The following SLC6A2 variants were observed in gnomAD, a reference collection of about 807,000 sequenced individuals.
SLC6A2 encodes the protein sodium-dependent noradrenaline transporter.
In SLC6A2, 26 loss-of-function variants were observed where a neutral mutation model predicts 71.7. The observed-to-expected ratio is 0.36, with a 90% CI of 0.27 to 0.50. SLC6A2 has a LOEUF of 0.50. Among genes scored for constraint, SLC6A2 ranks in the 20% least tolerant of loss-of-function variants. The probability of loss-of-function intolerance (pLI) is 0.96; values close to 1 mark genes in which losing one functional copy is unlikely to be tolerated. For synonymous variants in SLC6A2, 363 were observed against 337.9 expected, an observed-to-expected ratio of 1.07 and a Z score of -0.82; for missense variants, 581 against 803.9, an observed-to-expected ratio of 0.72 and a Z score of 3.35.
chr16:55,679,660 G>A (rs1474510564), intron 4 of SLC6A2, among the ~76,000 whole-genome samples: 2 of 152,218 alleles, frequency 1.3e-5, no homozygotes, highest in African/African-American at 4.8e-5. Context: ...TGAGAAGTTA[G>A]CCAGGCAGAC....
intron 9 of SLC6A2, 120 bp from the exon 10 acceptor site, chr16:55,697,777 G>C (rs756074367): frequency 2.1e-4 from 216 of 1,035,658 alleles, no homozygotes; most frequent in Non-Finnish European, 3.0e-4. Flanking sequence ...GATTTCTCGA[G>C]AGAGGCAAGG....
Position 55,705,335 on chromosome 16 carries a change from C to T in SLC6A2, c.*2989C>T. 1 of 1,151,272 alleles carries T rather than the reference C, an allele frequency of 8.7e-7. No individual in the cohort carries two copies. The highest frequency in any genetic ancestry group is 1.4e-5 in the South Asian group (1 of 71,732). 71.3% of individuals were successfully genotyped at this position (1,151,272 alleles called of 1,614,324 possible). ...GTTACCGCTCAGCTGGGAGCCAGTT[C>T]CTGCTATATGATCTGTTTTCTAGCC... On this transcript the variant is annotated 3_prime_UTR_variant, in exon 15 of 15. Coordinates refer to ENST00000568943, the MANE Select transcript of SLC6A2 (RefSeq NM_001172501.3).
intron 5 of SLC6A2, among the ~76,000 whole-genome samples, chr16:55,689,733 C>T: frequency 6.6e-6 from 1 of 152,228 alleles, no homozygotes; most frequent in East Asian, 1.9e-4. Context: ...CCAGATGCAA[C>T]AGCTTCACTT....
chr16:55,671,717 A>T, intron 3 of SLC6A2: 1 of 859,902 alleles, frequency 1.2e-6, no homozygotes. Context: ...TGATGACCTG[A>T]GGTGGAACGG....
At chr16:55,682,002 G>A (rs1251903632) in intron 4 of SLC6A2, among the ~76,000 whole-genome samples, 1 of 152,204 alleles carries the variant, frequency 6.6e-6, no homozygotes, top group African/African-American at 2.4e-5. Context: ...CATCTCCCAG[G>A]TTCAAGCAAT....
At chr16:55,697,824 G>T in intron 9 of SLC6A2, 73 bp from the exon 10 acceptor site, 1 of 1,577,404 alleles carries the variant, frequency 6.3e-7, no homozygotes, top group South Asian at 1.1e-5. Context: ...GAGGCTCTAG[G>T]AACCCTGGGG....
intron 2 of SLC6A2, among the ~76,000 whole-genome samples, chr16:55,659,901 CAGCTCA>C (rs1964564123): frequency 6.6e-6 from 1 of 152,230 alleles, no homozygotes; most frequent in South Asian, 2.1e-4. Context: ...TAATGGTGCT[CAGCTCA>C]GAACATTGTT....
chr16:55,666,307 G>A (rs1322238426), intron 2 of SLC6A2, among the ~76,000 whole-genome samples: 1 of 152,192 alleles, frequency 6.6e-6, no homozygotes. Context: ...TAGGGGGTTT[G>A]CAACCAGCCT....
chr16:55,696,269 C>G lies in SLC6A2; in HGVS notation c.1192C>G (p.Leu398Val). The G allele has an allele frequency of 6.2e-7, 1 of 1,613,856 alleles. No individual in the cohort carries two copies. The highest frequency in any genetic ancestry group is 8.5e-7 in the Non-Finnish European group (1 of 1,179,796). The change falls in exon 9 of 15, where the codon CTG (leucine) becomes GTG (valine). Residue 398 changes from leucine to valine, a missense_variant. Physicochemically the swap from Leu to Val is conservative, Grantham distance 32 (BLOSUM62 1). This residue lies in a region of SLC6A2 where 334 missense variants were observed against 449.0 expected (regional missense o/e 0.74). Transcript: ENST00000568943. ...FILYPEAISTLSGSTFWAVVF... is the reference protein window; with the variant it reads ...FILYPEAISTVSGSTFWAVVF... ...CCTGTATCCAGAGGCCATTTCTACC[C>G]TGTCTGGATCTACATTCTGGGCTGT...
intron 4 of SLC6A2, among the ~76,000 whole-genome samples, chr16:55,676,082 C>T (rs1166392637): frequency 6.6e-6 from 1 of 152,180 alleles, no homozygotes; most frequent in African/African-American, 2.4e-5. Context: ...CCTGCATCCA[C>T]CTGTCTCCAT....
chr16:55,671,318 GATCCAGCTCCTA>G, intron 3 of SLC6A2, among the ~76,000 whole-genome samples: 1 of 152,232 alleles, frequency 6.6e-6, no homozygotes, highest in South Asian at 2.1e-4. Flanking sequence ...GGATACTCAC[GATCCAGCTCCTA>G]ACGTGGCTGC....
chr16:55,657,088 C>T (rs1387981513), intron 2 of SLC6A2, 120 bp downstream of exon 2: 2 of 1,129,624 alleles, frequency 1.8e-6, no homozygotes, highest in Non-Finnish European at 1.3e-6. Flanking sequence ...AAATCTGGGG[C>T]GCAGAAAGAA....
chr16:55,683,262 T>C (rs1041295239), intron 4 of SLC6A2, among the ~76,000 whole-genome samples: 11 of 152,180 alleles, frequency 7.2e-5, no homozygotes, highest in African/African-American at 2.7e-4. Flanking sequence ...TCATTGTAGA[T>C]TGTACAAGGG....
chr16:55,667,963 G>C (rs539544663), intron 2 of SLC6A2, among the ~76,000 whole-genome samples: 1 of 152,328 alleles, frequency 6.6e-6, no homozygotes, highest in East Asian at 1.9e-4. Context: ...TTCCTCATCT[G>C]AAAAATGGGT....
intron 2 of SLC6A2, among the ~76,000 whole-genome samples, chr16:55,659,099 T>G (rs1964540649): frequency 6.6e-6 from 1 of 152,118 alleles, no homozygotes; most frequent in African/African-American, 2.4e-5. Flanking sequence ...ATCAGTAATA[T>G]TTTTCTGGTT....
In SLC6A2 at chr16:55,698,515, C is replaced by T; in HGVS notation, c.1436C>T (p.Thr479Ile). The stretch of plus-strand genomic sequence containing the variant: ...CTCCTGGACACCTTTGCTGCGGGCA[C>T]CTCCATCCTTTTTGCTGTCCTCATG... ...LTLLDTFAAG[T>I]SILFAVLMEA... Residue 479 changes from threonine (T) to isoleucine (I), a missense_variant, in exon 11 of 15, where the codon ACC (threonine) becomes ATC (isoleucine). Physicochemically the swap from Thr to Ile is moderately conservative, Grantham distance 89 (BLOSUM62 -1). Transcript: ENST00000568943. The T allele has an allele frequency of 6.2e-7, 1 of 1,614,126 alleles. No individual in the cohort carries two copies. Among genetic ancestry groups the T allele is most frequent in the Non-Finnish European group, 8.5e-7 (1 of 1,179,990 alleles).
At chr16:55,694,844 C>T (rs143775813) in intron 7 of SLC6A2, among the ~76,000 whole-genome samples, 1 of 152,202 alleles carries the variant, frequency 6.6e-6, no homozygotes, top group African/African-American at 2.4e-5. Flanking sequence ...GGGGGAGAAG[C>T]GGGACAACAC....
At chr16:55,677,105 T>G (rs1299810458) in intron 4 of SLC6A2, among the ~76,000 whole-genome samples, 1 of 152,202 alleles carries the variant, frequency 6.6e-6, no homozygotes, top group Non-Finnish European at 1.5e-5. Flanking sequence ...GGACTCCTAC[T>G]GGAATCAGGC....
At chr16:55,674,437 T>C (rs933029887) in intron 4 of SLC6A2, among the ~76,000 whole-genome samples, 5 of 152,034 alleles carry the variant, frequency 3.3e-5, no homozygotes, top group Admixed American at 6.5e-5. Flanking sequence ...TTTTCTTTTT[T>C]TTTTTGAGAC....
Sources: gnomAD v4.1 joint callset for allele counts (sites outside exome capture counted in the v4.1 genomes callset) on GRCh38, gnomAD v4.1.1 for gene constraint, gnomAD v4.1.1 regional missense constraint, MANE v1.5 for transcripts, NCBI Gene and HGNC (gene_info 2026-07-23, HGNC 2026-07-21) for gene names.